Variants in FZR1 observed in about 807,000 individuals in gnomAD.
FZR1 encodes the protein fizzy-related protein homolog.
FZR1 carries 11 observed loss-of-function variants against 63.6 expected under a neutral mutation model. The observed-to-expected ratio is 0.17, with a 90% CI of 0.11 to 0.29. The LOEUF is 0.29. Ranked by LOEUF, FZR1 falls within the 10% of genes least tolerant of loss-of-function variation. The probability of loss-of-function intolerance (pLI) is 1.00; values close to 1 mark genes in which losing one functional copy is unlikely to be tolerated. For synonymous variants in FZR1, 328 were observed against 297.9 expected (o/e 1.10, Z -1.04); for missense variants, 440 against 687.5 (o/e 0.64, Z 4.03).
intron 2 of FZR1, among the ~76,000 whole-genome samples, chr19:3,523,574 G>A (rs1224935617): frequency 6.6e-6 from 1 of 152,242 alleles, no homozygotes; most frequent in African/African-American, 2.4e-5. Context: ...ACTCCTGCGG[G>A]GGGCTGAGGG....
intron 1 of FZR1, among the ~76,000 whole-genome samples, chr19:3,511,077 C>T (rs542383813): frequency 9.2e-5 from 14 of 152,258 alleles, no homozygotes; most frequent in Non-Finnish European, 1.6e-4. Context: ...GCGCTCCATC[C>T]GATCCTGAGA....
At chr19:3,513,806 G>A (rs11666985) in intron 1 of FZR1, among the ~76,000 whole-genome samples, 10 of 152,280 alleles carry the variant, frequency 6.6e-5, no homozygotes, top group East Asian at 1.9e-4. Context: ...TACCCAAGGC[G>A]GTCCTGCCCC....
chr19:3,527,858 G>C, intron 7 of FZR1, 44 bp downstream of exon 7: 1 of 1,478,308 alleles, frequency 6.8e-7, no homozygotes, highest in Non-Finnish European at 9.4e-7. Flanking sequence ...GGCCTCCCCA[G>C]CTCCCAGCAG....
At position 3,525,305 on chromosome 19, in the gene FZR1, C is replaced by T. The variant is rs1182625412; in HGVS notation, c.70-563C>T. ...GTCCCGTGGCCCTGCCCTCACCACCCTCCTGCCTGGCAGCGTTGGGAGGCT... is the reference window on the plus strand; with the variant it reads ...GTCCCGTGGCCCTGCCCTCACCACCTTCCTGCCTGGCAGCGTTGGGAGGCT... On this transcript the variant is annotated intron_variant, in intron 2 of 13. Transcript: ENST00000441788. The surrounding 1 kb of genome is among the most constrained non-coding windows in gnomAD (Gnocchi z 4.2). Among the ~76,000 whole-genome samples, 2 of 152,166 alleles carry T rather than the reference C, an allele frequency of 1.3e-5. No individual in the cohort carries two copies. The highest frequency in any genetic ancestry group is 4.8e-5 in the African/African-American group (2 of 41,444).
intron 7 of FZR1, among the ~76,000 whole-genome samples, chr19:3,529,503 C>T (rs1260627952): frequency 3.2e-4 from 31 of 96,702 alleles, no homozygotes; most frequent in Non-Finnish European, 3.1e-4. Context: ...GATGGGTGAG[C>T]GGATGGGAGA....
Position 3,530,393 on chromosome 19 carries a change from T to A in FZR1, c.655-399T>A, listed in dbSNP as rs1162323484. On this transcript the variant is annotated intron_variant, in intron 7 of 13. Coordinates refer to ENST00000441788, the MANE Select transcript of FZR1 (RefSeq NM_016263.4). ...GAGAGCGGATGGGTGAGCAGATGGG[T>A]GAGCGGATGGGAGAGCGCATGGGAG... Among the ~76,000 whole-genome samples the A allele has an allele frequency of 5.4e-3, 392 of 72,714 alleles. 6 individuals carry two copies. The highest frequency in any genetic ancestry group is 0.021 in the African/African-American group (335 of 15,958). The allele number at this position is 72,714 out of a possible 152,430, so 47.7% of individuals were successfully genotyped here.
chr19:3,514,309 C>T lies in FZR1; in HGVS notation c.-35+7835C>T, dbSNP rs1004497308. ...ATGCCTGGCCACACTCTGCAGGTCT[C>T]GCTCATTCAAGTCACTTCCCTGGTT... On this transcript the variant is annotated intron_variant, in intron 1 of 13. Transcript: ENST00000441788. This position sits in a 1 kb window ranked among gnomAD's most constrained non-coding sequence, Gnocchi z 4.2. 1.3e-5 allele frequency among the ~76,000 whole-genome samples: 2 copies of T among 152,190 alleles called. No homozygotes were observed. Among genetic ancestry groups the T allele is most frequent in the South Asian group, 2.1e-4 (1 of 4,836 alleles).
intron 12 of FZR1, 147 bp from the exon 13 acceptor site, chr19:3,534,274 G>A: frequency 1.9e-6 from 1 of 522,994 alleles, no homozygotes; most frequent in Non-Finnish European, 3.4e-6. Context: ...TCTGCTTGTG[G>A]TGGCCCCAGC....
chr19:3,519,947 C>T (rs1429557228), intron 1 of FZR1, among the ~76,000 whole-genome samples: 10 of 151,462 alleles, frequency 6.6e-5, no homozygotes, highest in African/African-American at 1.5e-4. Flanking sequence ...AGATCAGTCC[C>T]GGGGGGCCCC....
At chr19:3,527,500 A>T (rs971265419) in intron 6 of FZR1, 131 bp from the exon 7 acceptor site, 1 of 688,790 alleles carries the variant, frequency 1.5e-6, no homozygotes, top group Non-Finnish European at 2.4e-6. Context: ...TTAGGATCAC[A>T]TGGTGGCGGT....
In FZR1 at chr19:3,525,410, G is replaced by T. The variant is rs1432200245; in HGVS notation, c.70-458G>T. Among the ~76,000 whole-genome samples the T allele has an allele frequency of 6.8e-6, 1 of 147,822 alleles. No individual in the cohort carries two copies. Among genetic ancestry groups the T allele is most frequent in the East Asian group, 2.0e-4 (1 of 5,020 alleles). On this transcript the variant is annotated intron_variant, in intron 2 of 13. Coordinates refer to ENST00000441788, the MANE Select transcript of FZR1 (RefSeq NM_016263.4). The surrounding 1 kb of genome is among the most constrained non-coding windows in gnomAD (Gnocchi z 4.2). ...ACCATGAGTGACCACGAGTGACTGTGTGGCTCCCCTCCTTGGGTTTTCTTT... is the reference window on the plus strand; with the variant it reads ...ACCATGAGTGACCACGAGTGACTGTTTGGCTCCCCTCCTTGGGTTTTCTTT...
intron 8 of FZR1, 78 bp downstream of exon 8, chr19:3,530,935 A>T: frequency 1.9e-5 from 21 of 1,135,058 alleles, no homozygotes; most frequent in Non-Finnish European, 2.5e-5. Flanking sequence ...GAAGACCCAG[A>T]GGGTCTAGTG....
At chr19:3,532,190 C>A in intron 10 of FZR1, 95 bp downstream of exon 10, 1 of 1,208,804 alleles carries the variant, frequency 8.3e-7, no homozygotes, top group Non-Finnish European at 1.1e-6. Context: ...CGGGCGCGGG[C>A]GCGGGGCCCA....
rs1016369345 is a variant in FZR1 at position 3,526,685 on chromosome 19, T to A, written c.388-295T>A. ...CGAACACCCAAGCCGGTGGGGGTCC[T>A]GCCCGTAGGGGGCAGTACTGGGTCC... On this transcript the variant is annotated intron_variant, in intron 5 of 13. Transcript: ENST00000441788. This position sits in a 1 kb window ranked among gnomAD's most constrained non-coding sequence, Gnocchi z 5.4. 6.6e-6 allele frequency among the ~76,000 whole-genome samples: 1 copy of A among 151,890 alleles called. No individual in the cohort carries two copies. Among genetic ancestry groups the A allele is most frequent in the African/African-American group, 2.4e-5 (1 of 41,420 alleles).
At chr19:3,522,854 C>T (rs945740299) in intron 1 of FZR1, 102 bp from the exon 2 acceptor site, 2 of 706,934 alleles carry the variant, frequency 2.8e-6, no homozygotes, top group African/African-American at 3.5e-5. Flanking sequence ...AGGAGGACCC[C>T]ACAGTCACTC....
chr19:3,509,447 CTTTA>C (rs1010674883), intron 1 of FZR1, among the ~76,000 whole-genome samples: 7 of 152,332 alleles, frequency 4.6e-5, no homozygotes, highest in East Asian at 1.9e-4. Context: ...GCCCTTCTTT[CTTTA>C]TTTAATTTTT....
In FZR1 at chr19:3,515,089, G is replaced by A. The variant is rs969420971; in HGVS notation, c.-34-7867G>A. 7.9e-5 allele frequency among the ~76,000 whole-genome samples: 12 copies of A among 152,294 alleles called. No homozygotes were observed. The highest frequency in any genetic ancestry group is 3.4e-3 in the Middle Eastern group (1 of 294). ...CCAGACCAGGGCAACCAAGCTGCAGGTGTCGGCCACACAGGCAGAGCCACA... is the reference window on the plus strand; with the variant it reads ...CCAGACCAGGGCAACCAAGCTGCAGATGTCGGCCACACAGGCAGAGCCACA... On this transcript the variant is annotated intron_variant, in intron 1 of 13. Coordinates refer to ENST00000441788, the MANE Select transcript of FZR1 (RefSeq NM_016263.4). The surrounding 1 kb of genome is among the most constrained non-coding windows in gnomAD (Gnocchi z 4.6).
intron 8 of FZR1, 121 bp downstream of exon 8, chr19:3,530,978 G>A: frequency 1.4e-6 from 1 of 693,264 alleles, no homozygotes; most frequent in Non-Finnish European, 2.5e-6. Flanking sequence ...CCAAGCATAG[G>A]TCTGTGTCCC....
At chr19:3,506,835 C>G (rs2082987217) in intron 1 of FZR1, among the ~76,000 whole-genome samples, 1 of 152,126 alleles carries the variant, frequency 6.6e-6, no homozygotes, top group Non-Finnish European at 1.5e-5. Context: ...CCACTGCGCA[C>G]CCCTAGAACA....
Sources: gnomAD v4.1 joint callset for allele counts (sites outside exome capture counted in the v4.1 genomes callset) on GRCh38, gnomAD v4.1.1 for gene constraint, Gnocchi (gnomAD v3.1) non-coding constraint, MANE v1.5 for transcripts, NCBI Gene and HGNC (gene_info 2026-07-23, HGNC 2026-07-21) for gene names.